The following REEP3 variants were observed in gnomAD, a reference collection of about 807,000 sequenced individuals.
REEP3 encodes receptor expression-enhancing protein 3.
Under a neutral mutation model 41.3 loss-of-function variants are expected in REEP3, and 20 were observed. The observed-to-expected ratio is 0.48, with a 90% CI of 0.34 to 0.70. The LOEUF is 0.70. Ranked by LOEUF, REEP3 falls within the 30% of genes least tolerant of loss-of-function variation. The pLI, the probability that REEP3 is intolerant of heterozygous loss-of-function variation, is 0.01. For synonymous variants in REEP3, 104 were observed against 101.8 expected, an observed-to-expected ratio of 1.02 and a Z score of -0.13; for missense variants, 271 against 308.8, an observed-to-expected ratio of 0.88 and a Z score of 0.92.
At chr10:63,585,599 T>C (rs778765108) in intron 2 of REEP3, among the ~76,000 whole-genome samples, 3 of 152,148 alleles carry the variant, frequency 2.0e-5, no homozygotes, top group Non-Finnish European at 4.4e-5. Flanking sequence ...AAAGGTTTTG[T>C]TTGTAGTAGG....
At chr10:63,612,730 G>A (rs998550901) in intron 6 of REEP3, among the ~76,000 whole-genome samples, 2 of 151,788 alleles carry the variant, frequency 1.3e-5, no homozygotes, top group Non-Finnish European at 2.9e-5. Flanking sequence ...GGCAAAGGCT[G>A]CAGTGAGCCG....
chr10:63,587,770 T>C (rs1009688191), intron 2 of REEP3, among the ~76,000 whole-genome samples: 4 of 152,164 alleles, frequency 2.6e-5, no homozygotes, highest in Admixed American at 6.5e-5. Flanking sequence ...TCATATTCTT[T>C]TGGTGAGAAC....
rs372610225 is a variant in REEP3, at chr10:63,521,474, T to G, written c.-72T>G. ...CGAGGAGCCGGCGAAGCGCGCGGCC[T>G]GCCGTTGGCGGCCTGGTCCGCAGCG... On this transcript the variant is annotated 5_prime_UTR_variant, in exon 1 of 8. Coordinates refer to ENST00000373758, the MANE Select transcript of REEP3 (RefSeq NM_001001330.3). 1.5e-4 allele frequency: 164 copies of G among 1,070,968 alleles called. 2 individuals carry two copies. The South Asian group carries it at 4.0e-3, about 26-fold the overall frequency. 66.3% of individuals were successfully genotyped at this position (1,070,968 alleles called of 1,614,324 possible).
chr10:63,606,733 A>C (rs923933732), intron 5 of REEP3, among the ~76,000 whole-genome samples: 1 of 152,226 alleles, frequency 6.6e-6, no homozygotes, highest in Non-Finnish European at 1.5e-5. Flanking sequence ...GATGGGAATA[A>C]AGCATTAGAT....
In REEP3 at chr10:63,530,185, A is replaced by G. The variant is rs544841119; in HGVS notation, c.32+8608A>G. Among the ~76,000 whole-genome samples, 3 of 152,224 alleles carry G rather than the reference A, an allele frequency of 2.0e-5. No homozygotes were observed. The East Asian group carries it at 5.8e-4, about 29-fold the overall frequency. ...TGATAGGATTAATGAAAAAATCCTC[A>G]TTTTTAAATCCTTATGGAAGTTTGA... On this transcript the variant is annotated intron_variant, in intron 1 of 7. Coordinates refer to ENST00000373758, the MANE Select transcript of REEP3 (RefSeq NM_001001330.3).
At chr10:63,529,401 T>C (rs1048836230) in intron 1 of REEP3, among the ~76,000 whole-genome samples, 2 of 152,184 alleles carry the variant, frequency 1.3e-5, no homozygotes, top group South Asian at 2.1e-4. Flanking sequence ...TTAACAAATA[T>C]AGGAAAGAAA....
intron 5 of REEP3, among the ~76,000 whole-genome samples, chr10:63,607,303 A>G (rs1179544973): frequency 6.6e-6 from 1 of 152,138 alleles, no homozygotes; most frequent in African/African-American, 2.4e-5. Context: ...GCTTTTCCCT[A>G]CAGTGCCTGG....
intron 2 of REEP3, 64 bp from the exon 3 acceptor site, chr10:63,594,714 C>A: frequency 1.1e-6 from 1 of 944,122 alleles, no homozygotes; most frequent in Non-Finnish European, 1.7e-6. Flanking sequence ...TACATACATA[C>A]ATATTATTCA....
At chr10:63,547,200 G>T (rs1039808600) in intron 1 of REEP3, among the ~76,000 whole-genome samples, 2 of 152,104 alleles carry the variant, frequency 1.3e-5, no homozygotes, top group African/African-American at 4.8e-5. Context: ...GATTACAGGC[G>T]TGAGCCACCA....
Position 63,619,699 on chromosome 10 carries a change from G to T in REEP3, c.610G>T (p.Glu204Ter), listed in dbSNP as rs1262737561. 6.2e-7 allele frequency: 1 copy of T among 1,605,602 alleles called. No individual in the cohort carries two copies. Among genetic ancestry groups the T allele is most frequent in the Non-Finnish European group, 8.5e-7 (1 of 1,175,834 alleles). ...LKDGDEKTDE[E>*]AEGPYSDNEM... ...AGACGGAGATGAGAAAACAGATGAA[G>T]AAGCAGAGGGGCCATATTCAGATAA... The change falls in exon 7 of 8, where the codon GAA (glutamate) becomes TAA (stop). Residue 204 changes from glutamate to a stop codon, truncating the protein, a stop_gained. Transcript: ENST00000373758. LOFTEE classifies it high-confidence loss of function.
At chr10:63,523,283 A>G (rs918108767) in intron 1 of REEP3, among the ~76,000 whole-genome samples, 8 of 152,162 alleles carry the variant, frequency 5.3e-5, no homozygotes, top group Non-Finnish European at 1.5e-5. Context: ...TTGGACAAGG[A>G]AGGGATATCT....
chr10:63,582,342 C>T (rs1955962533), intron 2 of REEP3, among the ~76,000 whole-genome samples: 1 of 152,198 alleles, frequency 6.6e-6, no homozygotes. Flanking sequence ...TCTCTCTGCA[C>T]CTTGTGATAA....
Position 63,610,224 on chromosome 10 carries a change from G to A in REEP3, c.455G>A (p.Ser152Asn). ...GAITERLRSF[S>N]MHDLTTIQGD... ...ATAACTGAACGTTTAAGAAGCTTCAGTATGCATGATTTAACAACTATCCAA... is the reference window on the plus strand; with the variant it reads ...ATAACTGAACGTTTAAGAAGCTTCAATATGCATGATTTAACAACTATCCAA... The change falls in exon 6 of 8, where the codon AGT becomes AAT. Residue 152 changes from serine (S) to asparagine (N), a missense_variant. By Grantham distance (46) the Ser-to-Asn change is conservative. Transcript: ENST00000373758. 2 of 1,608,988 alleles carry A rather than the reference G, an allele frequency of 1.2e-6. No individual in the cohort carries two copies. The highest frequency in any genetic ancestry group is 1.7e-6 in the Non-Finnish European group (2 of 1,177,392).
chr10:63,566,025 C>G (rs1427081479), intron 1 of REEP3, among the ~76,000 whole-genome samples: 1 of 151,728 alleles, frequency 6.6e-6, no homozygotes, highest in Non-Finnish European at 1.5e-5. Flanking sequence ...GCTGGGACTA[C>G]AGGCACACCC....
intron 5 of REEP3, among the ~76,000 whole-genome samples, chr10:63,601,316 G>A (rs1956169924): frequency 6.6e-6 from 1 of 152,096 alleles, no homozygotes; most frequent in African/African-American, 2.4e-5. Flanking sequence ...TGTTAGCTTA[G>A]AATTAAGAAA....
chr10:63,590,769 A>G (rs1263599574), intron 2 of REEP3, among the ~76,000 whole-genome samples: 1 of 152,216 alleles, frequency 6.6e-6, no homozygotes, highest in East Asian at 1.9e-4. Flanking sequence ...TCTTGTGAAG[A>G]TATCTAAACA....
chr10:63,565,378 T>A (rs576926958), intron 1 of REEP3, among the ~76,000 whole-genome samples: 1 of 152,358 alleles, frequency 6.6e-6, no homozygotes, highest in Admixed American at 6.5e-5. Context: ...GTCGTGAGAT[T>A]TCTGTGTCTA....
intron 5 of REEP3, 117 bp downstream of exon 5, chr10:63,599,400 C>T (rs1589883580): frequency 4.3e-6 from 2 of 460,400 alleles, no homozygotes; most frequent in East Asian, 3.8e-5. Context: ...TTTTCTAATA[C>T]TGGAAAACAA....
chr10:63,622,020 C>G lies in REEP3; in HGVS notation c.*1151C>G, dbSNP rs2133441095. ...CATATTACTTTTTAACTTTAAATCT[C>G]AAAGAGATTTTGAGTTATTGAATTC... On this transcript the variant is annotated 3_prime_UTR_variant, in exon 8 of 8. Transcript: ENST00000373758. The G allele has an allele frequency of 6.6e-6, 1 of 152,254 alleles. No homozygotes were observed. Among genetic ancestry groups the G allele is most frequent in the African/African-American group, 2.4e-5 (1 of 41,552 alleles). The allele number at this position is 152,254 out of a possible 1,614,324, so 9.4% of individuals were successfully genotyped here. A position where few individuals can be genotyped will look rare whatever the true frequency, so the allele number is the denominator to read the frequency against.
Sources: allele counts gnomAD v4.1 joint callset (sites outside exome capture counted in the v4.1 genomes callset), GRCh38; gene constraint gnomAD v4.1.1; transcripts MANE v1.5; gene names NCBI Gene and HGNC (gene_info 2026-07-23, HGNC 2026-07-21).